CENPU: variants seen among roughly 807,000 people sequenced by gnomAD.
CENPU encodes the protein KSHV latent nuclear antigen interacting protein 1.
Under a neutral mutation model 56.7 loss-of-function variants are expected in CENPU, and 46 were observed. The ratio of observed to expected loss-of-function variants is 0.81; its 90% CI spans 0.64 to 1.04. The LOEUF (loss-of-function observed/expected upper bound fraction) is 1.04. CENPU is among the 50% of genes least tolerant of loss of function. The pLI is 0.00. For synonymous variants in CENPU, 166 were observed against 163.0 expected (o/e 1.02, Z -0.14); for missense variants, 510 against 490.1 (o/e 1.04, Z -0.38).
chr4:184,730,407 T>C (rs1476159926), intron 2 of CENPU, among the ~76,000 whole-genome samples: 5 of 151,576 alleles, frequency 3.3e-5, no homozygotes, highest in African/African-American at 1.2e-4. Context: ...AGGAACTCCT[T>C]CCGGGGTGCC....
intron 1 of CENPU, 32 bp downstream of exon 1, chr4:184,733,984 G>T (rs1488739781): frequency 1.2e-6 from 2 of 1,611,098 alleles, no homozygotes; most frequent in Admixed American, 1.7e-5. Flanking sequence ...CTGGTCTCCG[G>T]CCCCGCGCTC....
intron 12 of CENPU, among the ~76,000 whole-genome samples, chr4:184,697,217 T>C (rs956382518): frequency 6.6e-6 from 1 of 152,110 alleles, no homozygotes; most frequent in African/African-American, 2.4e-5. Context: ...CTACCACTTA[T>C]ACGGGAAAAT....
chr4:184,712,119 CAAAAA>C (rs10650384), intron 7 of CENPU, among the ~76,000 whole-genome samples: 2 of 80,692 alleles, frequency 2.5e-5, no homozygotes, highest in South Asian at 9.2e-4. Flanking sequence ...GACTCAGTCT[CAAAAA>C]AAAAAAAAAA....
chr4:184,713,036 GT>G, intron 6 of CENPU, 23 bp from the exon 7 acceptor site: 1 of 1,437,124 alleles, frequency 7.0e-7, no homozygotes, highest in Non-Finnish European at 9.5e-7. Flanking sequence ...AAAGCATTAA[GT>G]TTTTAAGAAA....
chr4:184,699,580 A>G (rs1330794721), intron 11 of CENPU: 1 of 1,288,912 alleles, frequency 7.8e-7, no homozygotes, highest in African/African-American at 1.5e-5. Flanking sequence ...AAACCTTACC[A>G]TAGGCCAGCA....
intron 6 of CENPU, among the ~76,000 whole-genome samples, chr4:184,714,496 T>C (rs891460750): frequency 6.6e-6 from 1 of 152,140 alleles, no homozygotes; most frequent in African/African-American, 2.4e-5. Context: ...GATGGATAAA[T>C]AGAATTATAC....
Position 184,694,444 on chromosome 4 carries a change from A to T in CENPU, c.*844T>A, listed in dbSNP as rs919129737. 1.1e-5 allele frequency: 17 copies of T among 1,508,268 alleles called. No homozygotes were observed. Among genetic ancestry groups the T allele is most frequent in the Middle Eastern group, 1.8e-4 (1 of 5,640 alleles). The allele number at this position is 1,508,268 out of a possible 1,614,324, so 93.4% of individuals were successfully genotyped here. ...GTCACTTAATACCTTACTTCAACAT[A>T]GAGTATAAGGTTAAATCACATATCC... On this transcript the variant is annotated 3_prime_UTR_variant, in exon 13 of 13. Transcript: ENST00000281453.
chr4:184,707,480 G>A (rs140092394), intron 8 of CENPU, among the ~76,000 whole-genome samples: 131 of 152,292 alleles, frequency 8.6e-4, no homozygotes, highest in African/African-American at 2.9e-3. Context: ...ACTTTGGGCA[G>A]CTGTTTCCTC....
At chr4:184,700,968 A>G in intron 10 of CENPU, 87 bp from the exon 11 acceptor site, 8 of 1,040,188 alleles carry the variant, frequency 7.7e-6, no homozygotes, top group Non-Finnish European at 1.2e-5. Context: ...AGTGCAGTGG[A>G]AAACAAGACA....
rs754785358 is a variant in CENPU at position 184,699,561 on chromosome 4, G to A, written c.986+1259C>T. The A allele has an allele frequency of 5.4e-6, 7 of 1,288,646 alleles. No individual in the cohort carries two copies. The South Asian group carries it at 8.6e-5, about 16-fold the overall frequency. 79.8% of individuals were successfully genotyped at this position (1,288,646 alleles called of 1,614,324 possible). ...CCTTTAGTTTTCTTATTTTGGCCTG[G>A]GTCAGTGAAAACCTTACCATAGGCC... On this transcript the variant is annotated intron_variant, in intron 11 of 12. Transcript: ENST00000281453.
intron 10 of CENPU, among the ~76,000 whole-genome samples, chr4:184,701,850 A>G (rs1217919565): frequency 6.6e-6 from 1 of 152,142 alleles, no homozygotes; most frequent in African/African-American, 2.4e-5. Context: ...CTTTAATTAT[A>G]AAAACAATTA....
intron 7 of CENPU, among the ~76,000 whole-genome samples, chr4:184,711,949 C>T (rs970985945): frequency 4.0e-5 from 6 of 151,876 alleles, no homozygotes; most frequent in Admixed American, 2.6e-4. Context: ...GGTAAAACCC[C>T]GTCTCTACTA....
chr4:184,697,171 C>G (rs1332826489), intron 12 of CENPU, among the ~76,000 whole-genome samples: 1 of 152,136 alleles, frequency 6.6e-6, no homozygotes, highest in Non-Finnish European at 1.5e-5. Context: ...TGAGAGCTAT[C>G]ACACCCGGCC....
chr4:184,728,262 C>T (rs896456272), intron 3 of CENPU, among the ~76,000 whole-genome samples: 4 of 152,048 alleles, frequency 2.6e-5, no homozygotes, highest in South Asian at 4.2e-4. Flanking sequence ...TACATTTCAC[C>T]TTATAAAATG....
At chr4:184,714,688 A>G (rs1761031517) in intron 6 of CENPU, among the ~76,000 whole-genome samples, 1 of 152,242 alleles carries the variant, frequency 6.6e-6, no homozygotes, top group Non-Finnish European at 1.5e-5. Flanking sequence ...AATAGAGAAA[A>G]TAAAATGGAA....
At chr4:184,703,836 G>A (rs553067969) in intron 8 of CENPU, among the ~76,000 whole-genome samples, 1 of 152,186 alleles carries the variant, frequency 6.6e-6, no homozygotes, top group South Asian at 2.1e-4. Flanking sequence ...CTCAGTCAAC[G>A]ATGGATGGCA....
At chr4:184,733,988 C>T in intron 1 of CENPU, 28 bp downstream of exon 1, 1 of 1,610,812 alleles carries the variant, frequency 6.2e-7, no homozygotes, top group South Asian at 1.1e-5. Context: ...TCTCCGGCCC[C>T]GCGCTCCCGA....
In CENPU at chr4:184,712,930, ACAT is replaced by A. The variant is rs747357951; in HGVS notation, c.688+11_688+13del. ...TCCTGAATGAGTGACAAAGTATAAA[ACAT>A]CATTCTCTACCTGAGCCTATGGCTT... On this transcript the variant is annotated intron_variant, in intron 7 of 12. Coordinates refer to ENST00000281453, the MANE Select transcript of CENPU (RefSeq NM_024629.4). 1.1e-5 allele frequency: 17 copies of A among 1,534,094 alleles called. No individual in the cohort carries two copies. Among genetic ancestry groups the A allele is most frequent in the Middle Eastern group, 1.7e-4 (1 of 5,874 alleles).
chr4:184,694,492 ACTCT>A lies in CENPU; in HGVS notation c.*792_*795del. The stretch of plus-strand genomic sequence containing the variant: ...TCCTGAGTAAATATTTTCCTATCCC[ACTCT>A]CTATCCCTTCACCACTGAAATAAAG... On this transcript the variant is annotated 3_prime_UTR_variant, in exon 13 of 13. Transcript: ENST00000281453. 5 of 1,597,086 alleles carry A rather than the reference ACTCT, an allele frequency of 3.1e-6. No homozygotes were observed. Among genetic ancestry groups the A allele is most frequent in the Non-Finnish European group, 4.3e-6 (5 of 1,168,660 alleles).
Sources: allele counts gnomAD v4.1 joint callset (sites outside exome capture counted in the v4.1 genomes callset), GRCh38; gene constraint gnomAD v4.1.1; transcripts MANE v1.5; gene names NCBI Gene and HGNC (gene_info 2026-07-23, HGNC 2026-07-21).